SAMD12: variants seen among roughly 807,000 people sequenced by gnomAD.
SAMD12 encodes sterile alpha motif domain containing 12, also known as sterile alpha motif domain-containing protein 12.
Under a neutral mutation model 15.0 loss-of-function variants are expected in SAMD12, and 9 were observed. The ratio of observed to expected loss-of-function variants is 0.60; its 90% CI spans 0.36 to 1.05. SAMD12 has a LOEUF of 1.05. Among genes scored for constraint, SAMD12 ranks in the 50% least tolerant of loss-of-function variants. The probability of loss-of-function intolerance (pLI) is 0.01; values close to 1 mark genes in which losing one functional copy is unlikely to be tolerated. For synonymous variants in SAMD12, 86 were observed against 90.1 expected (o/e 0.96, Z 0.25); for missense variants, 230 against 234.2 (o/e 0.98, Z 0.12).
At chr8:118,548,694 G>A (rs545263338) in intron 2 of SAMD12, among the ~76,000 whole-genome samples, 27 of 152,330 alleles carry the variant, frequency 1.8e-4, no homozygotes, top group African/African-American at 6.0e-4. Flanking sequence ...TGGGTGCAGC[G>A]CACCGTGCGC....
chr8:118,256,072 T>C (rs1423200618), intron 4 of SAMD12, among the ~76,000 whole-genome samples: 2 of 152,206 alleles, frequency 1.3e-5, no homozygotes, highest in Non-Finnish European at 2.9e-5. Context: ...TGGTATCTTA[T>C]TGTGGTTTTG....
rs143980740 is a variant in SAMD12, at chr8:118,296,252, T to C, written c.433+83308A>G. Among the ~76,000 whole-genome samples, 19 of 152,284 alleles carry C rather than the reference T, an allele frequency of 1.2e-4. 1 individual carries two copies. The highest frequency in any genetic ancestry group is 4.6e-4 in the African/African-American group (19 of 41,552). ...CTTCTCTCCAGCTATCTCACTGCTC[T>C]CCAAACCCTCTCTGTGATGCCCTAC... On this transcript the variant is annotated intron_variant, in intron 4 of 4. Coordinates refer to the SAMD12 transcript ENST00000409003.
chr8:118,306,633 C>A (rs191319074), intron 4 of SAMD12, among the ~76,000 whole-genome samples: 207 of 152,216 alleles, frequency 1.4e-3, no homozygotes, highest in African/African-American at 4.6e-3. Context: ...CCACCCCAGC[C>A]CTGCTCTTCC....
In SAMD12 at chr8:118,291,830, C is replaced by T. The variant is rs528993241; in HGVS notation, c.433+87730G>A. Reference sequence around the variant, plus strand: ...AAAGTTACTTCCATAGAGTGACTTCCATAGAGTGACTTTGGAAGGAGGTAT... The same window carrying T: ...AAAGTTACTTCCATAGAGTGACTTCTATAGAGTGACTTTGGAAGGAGGTAT... On this transcript the variant is annotated intron_variant, in intron 4 of 4. Coordinates refer to the SAMD12 transcript ENST00000409003. Among the ~76,000 whole-genome samples the T allele has an allele frequency of 7.9e-5, 12 of 151,060 alleles. No individual in the cohort carries two copies. The South Asian group carries it at 2.5e-3, about 32-fold the overall frequency.
chr8:118,246,481 G>A (rs1334108570), intron 4 of SAMD12, among the ~76,000 whole-genome samples: 1 of 152,124 alleles, frequency 6.6e-6, no homozygotes, highest in Non-Finnish European at 1.5e-5. Context: ...GGAAGACAGG[G>A]TCAAGGGAAA....
chr8:118,332,399 G>A (rs575661073), intron 4 of SAMD12, among the ~76,000 whole-genome samples: 2 of 152,352 alleles, frequency 1.3e-5, no homozygotes, highest in Non-Finnish European at 2.9e-5. Context: ...AATGACCAGC[G>A]TCGCTGCAGT....
intron 2 of SAMD12, among the ~76,000 whole-genome samples, chr8:118,480,592 G>C (rs1463974168): frequency 6.6e-6 from 1 of 152,192 alleles, no homozygotes; most frequent in Non-Finnish European, 1.5e-5. Flanking sequence ...GGTATAAACT[G>C]TTGCAATAGT....
At chr8:118,467,751 G>A (rs1214637686) in intron 2 of SAMD12, among the ~76,000 whole-genome samples, 1 of 152,150 alleles carries the variant, frequency 6.6e-6, no homozygotes, top group Non-Finnish European at 1.5e-5. Context: ...GTCAATTATG[G>A]TCTAAGACAA....
chr8:118,286,315 A>AT (rs1187861439), intron 4 of SAMD12, among the ~76,000 whole-genome samples: 1 of 151,538 alleles, frequency 6.6e-6, no homozygotes, highest in East Asian at 1.9e-4. Context: ...TTAAAATATA[A>AT]TTAAAAAAAA....
chr8:118,256,505 G>A (rs1317919607), intron 4 of SAMD12, among the ~76,000 whole-genome samples: 1 of 151,892 alleles, frequency 6.6e-6, no homozygotes, highest in Non-Finnish European at 1.5e-5. Flanking sequence ...ATGAACAAAA[G>A]AGAATCAGAA....
chr8:118,569,740 G>T (rs904817783), intron 2 of SAMD12, among the ~76,000 whole-genome samples: 2 of 152,124 alleles, frequency 1.3e-5, no homozygotes, highest in African/African-American at 4.8e-5. Flanking sequence ...CATCCTCATT[G>T]GAACTGACTC....
intron 4 of SAMD12, among the ~76,000 whole-genome samples, chr8:118,229,705 A>G (rs1812265742): frequency 6.6e-6 from 1 of 152,138 alleles, no homozygotes; most frequent in Non-Finnish European, 1.5e-5. Context: ...TCAGGATGAA[A>G]AGCATTCAGG....
At chr8:118,542,087 T>G (rs1826002934) in intron 2 of SAMD12, among the ~76,000 whole-genome samples, 1 of 152,192 alleles carries the variant, frequency 6.6e-6, no homozygotes, top group Non-Finnish European at 1.5e-5. Flanking sequence ...GCATATGTCC[T>G]TTGAAAAGGG....
chr8:118,163,167 T>G, the SAMD12 span, among the ~76,000 whole-genome samples: 1 of 152,018 alleles, frequency 6.6e-6, no homozygotes, highest in Non-Finnish European at 1.5e-5. Context: ...CTGGCAGGAG[T>G]GCAGGGACGT....
chr8:118,406,408 G>A (rs1821131543), intron 3 of SAMD12, among the ~76,000 whole-genome samples: 1 of 151,936 alleles, frequency 6.6e-6, no homozygotes, highest in Non-Finnish European at 1.5e-5. Flanking sequence ...TGAGTAGCTG[G>A]GATTACAGGT....
chr8:118,401,352 T>A (rs1377925130), intron 3 of SAMD12, among the ~76,000 whole-genome samples: 1 of 152,160 alleles, frequency 6.6e-6, no homozygotes, highest in Non-Finnish European at 1.5e-5. Flanking sequence ...AGGTCCTACA[T>A]ATTTCTGCAT....
chr8:118,580,074 C>A (rs1177477672), intron 2 of SAMD12, among the ~76,000 whole-genome samples: 1 of 152,182 alleles, frequency 6.6e-6, no homozygotes, highest in Non-Finnish European at 1.5e-5. Flanking sequence ...AAGCATACTA[C>A]AGCAGAATAA....
chr8:118,357,792 CACATG>C (rs1173426617), intron 4 of SAMD12, among the ~76,000 whole-genome samples: 1 of 152,142 alleles, frequency 6.6e-6, no homozygotes, highest in Non-Finnish European at 1.5e-5. Flanking sequence ...GTGTCCCAGC[CACATG>C]ACTCTCTCTT....
intron 2 of SAMD12, among the ~76,000 whole-genome samples, chr8:118,515,847 A>G (rs1825229486): frequency 6.6e-6 from 1 of 152,146 alleles, no homozygotes; most frequent in Admixed American, 6.6e-5. Flanking sequence ...GAATGCCTTC[A>G]CTCAAGACTT....
Sources: gnomAD v4.1 joint callset for allele counts (sites outside exome capture counted in the v4.1 genomes callset) on GRCh38, gnomAD v4.1.1 for gene constraint, MANE v1.5 for transcripts, NCBI Gene and HGNC (gene_info 2026-07-23, HGNC 2026-07-21) for gene names.